Variants in CLPX observed in about 807,000 individuals in gnomAD.
CLPX encodes the protein ATP-dependent clpX-like chaperone, mitochondrial.
Under a neutral mutation model 76.4 loss-of-function variants are expected in CLPX, and 34 were observed. The observed-to-expected ratio is 0.45, with a 90% confidence interval of 0.34 to 0.59. The LOEUF (loss-of-function observed/expected upper bound fraction) is 0.59, where lower values mean the gene tolerates loss of function less well. Among genes scored for constraint, CLPX ranks in the 20% least tolerant of loss-of-function variants. The probability of loss-of-function intolerance (pLI) is 0.01; values close to 1 mark genes in which losing one functional copy is unlikely to be tolerated. For synonymous variants in CLPX, 248 were observed against 270.9 expected (o/e 0.92, Z 0.83); for missense variants, 613 against 757.0 (o/e 0.81, Z 2.23).
chr15:65,182,761 T>C (rs2088191892), intron 1 of CLPX, among the ~76,000 whole-genome samples: 1 of 152,224 alleles, frequency 6.6e-6, no homozygotes, highest in Admixed American at 6.5e-5. Context: ...TAAAGTATAT[T>C]TCACCAGATT....
chr15:65,154,456 C>G (rs183320835), intron 11 of CLPX, among the ~76,000 whole-genome samples: 1 of 152,120 alleles, frequency 6.6e-6, no homozygotes, highest in Non-Finnish European at 1.5e-5. Context: ...AAAATATACA[C>G]AGTATGTCAC....
At chr15:65,178,136 T>C (rs377104439) in intron 3 of CLPX, among the ~76,000 whole-genome samples, 1 of 152,202 alleles carries the variant, frequency 6.6e-6, no homozygotes, top group East Asian at 1.9e-4. Flanking sequence ...TTAATAATTA[T>C]CAGATGCTTC....
Position 65,164,066 on chromosome 15 carries a change from T to C in CLPX, c.636A>G (p.Gln212=). 1 of 1,613,680 alleles carries C rather than the reference T, an allele frequency of 6.2e-7. No individual in the cohort carries two copies. The highest frequency in any genetic ancestry group is 8.5e-7 in the Non-Finnish European group (1 of 1,179,848). The change falls in exon 5 of 14, where the codon CAA becomes CAG. Residue 212 remains glutamine, a synonymous_variant. Transcript: ENST00000300107. ...ATGATGTCTGCTTCTCAACCTCTGCTTGCTGTCTCAGATTAGCTGGGATAT... is the reference window on the plus strand; with the variant it reads ...ATGATGTCTGCTTCTCAACCTCTGCCTGCTGTCTCAGATTAGCTGGGATAT... ...YNNIPANLRQ[Q]AEVEKQTSLT... is the part of the protein sequence containing the mutation.
chr15:65,157,756 T>C lies in CLPX; in HGVS notation c.1047A>G (p.Lys349=). The stretch of plus-strand genomic sequence containing the variant: ...ATGCTGAAAACATACCTTGTTGTGC[T>C]TTTTCCACATTATAATTGGCATCTT... The part of the protein sequence containing the change: ...LLQDANYNVE[K]AQQGIVFLDE... Residue 349 remains lysine, a synonymous_variant, in exon 8 of 14, where the codon AAA becomes AAG. Transcript: ENST00000300107. The C allele has an allele frequency of 6.2e-7, 1 of 1,612,366 alleles. No individual in the cohort carries two copies. Among genetic ancestry groups the C allele is most frequent in the Non-Finnish European group, 8.5e-7 (1 of 1,179,226 alleles).
At chr15:65,178,439 A>G (rs925487826) in intron 3 of CLPX, among the ~76,000 whole-genome samples, 6 of 152,364 alleles carry the variant, frequency 3.9e-5, no homozygotes, top group Middle Eastern at 3.4e-3. Flanking sequence ...TTTCTAGTAT[A>G]TAGTGAACAT....
Position 65,178,860 on chromosome 15 carries a change from T to A in CLPX, c.358+74A>T, listed in dbSNP as rs2088124548. 6 of 824,350 alleles carry A rather than the reference T, an allele frequency of 7.3e-6. No individual in the cohort carries two copies. In the East Asian group the frequency reaches 1.6e-4, roughly 21 times the overall value. The allele number at this position is 824,350 out of a possible 1,614,324, so 51.1% of individuals were successfully genotyped here. On this transcript the variant is annotated intron_variant, in intron 3 of 13. Transcript: ENST00000300107. Reference sequence around the variant, plus strand: ...CCTATATTTATACATTTTACATAATTTACATATTTTTATACACTTAGTAAT... The same window carrying A: ...CCTATATTTATACATTTTACATAATATACATATTTTTATACACTTAGTAAT...
intron 3 of CLPX, among the ~76,000 whole-genome samples, chr15:65,167,502 C>A (rs2087932090): frequency 6.6e-6 from 1 of 151,946 alleles, no homozygotes; most frequent in African/African-American, 2.4e-5. Context: ...AAATGTCAAA[C>A]ATATACAAAA....
chr15:65,158,186 C>T (rs764705500), intron 7 of CLPX: 7 of 325,188 alleles, frequency 2.2e-5, no homozygotes, highest in Non-Finnish European at 3.9e-5. Context: ...CCACGCCCAA[C>T]TAATACTTTA....
At chr15:65,176,713 G>A (rs997398996) in intron 3 of CLPX, among the ~76,000 whole-genome samples, 5 of 149,674 alleles carry the variant, frequency 3.3e-5, no homozygotes, top group African/African-American at 4.9e-5. Flanking sequence ...CTCCTGCCTC[G>A]GCTTCCTGAG....
At position 65,149,616 on chromosome 15, in the gene CLPX, C is replaced by T. The variant is rs1480167507; in HGVS notation, c.*1207G>A. 6.8e-6 allele frequency: 3 copies of T among 443,980 alleles called. No homozygotes were observed. The highest frequency in any genetic ancestry group is 7.2e-5 in the East Asian group (1 of 13,850). 27.5% of individuals were successfully genotyped at this position (443,980 alleles called of 1,614,324 possible). ...GTGGCTTACGCCTGCAATCCCAGCACTTTGGGAGGCTGAGGCCAGCAGATC... is the reference window on the plus strand; with the variant it reads ...GTGGCTTACGCCTGCAATCCCAGCATTTTGGGAGGCTGAGGCCAGCAGATC... On this transcript the variant is annotated 3_prime_UTR_variant, in exon 14 of 14. Transcript: ENST00000300107.
At chr15:65,183,816 C>T (rs547981734) in intron 1 of CLPX, among the ~76,000 whole-genome samples, 1 of 152,292 alleles carries the variant, frequency 6.6e-6, no homozygotes, top group South Asian at 2.1e-4. Flanking sequence ...GACTTATTCA[C>T]CACTCTACCT....
Position 65,150,777 on chromosome 15 carries a change from A to G in CLPX, c.*46T>C, listed in dbSNP as rs961728075. ...GACTGTAGAGACAATTATGATCCTAAACAAAAGAAGGAAAAGCTGTATATA... is the reference window on the plus strand; with the variant it reads ...GACTGTAGAGACAATTATGATCCTAGACAAAAGAAGGAAAAGCTGTATATA... On this transcript the variant is annotated 3_prime_UTR_variant, in exon 14 of 14. Transcript: ENST00000300107. The G allele has an allele frequency of 1.5e-6, 2 of 1,353,056 alleles. No homozygotes were observed. The highest frequency in any genetic ancestry group is 2.1e-6 in the Non-Finnish European group (2 of 954,216). The allele number at this position is 1,353,056 out of a possible 1,614,324, so 83.8% of individuals were successfully genotyped here. A position where few individuals can be genotyped will look rare whatever the true frequency, so the allele number is the denominator to read the frequency against.
chr15:65,184,947 A>T, intron 1 of CLPX, 128 bp downstream of exon 1: 2 of 765,796 alleles, frequency 2.6e-6, no homozygotes, highest in South Asian at 3.2e-5. Flanking sequence ...TGCCGGGCGA[A>T]GCGCCGCGCA....
At chr15:65,183,726 G>C (rs1022843365) in intron 1 of CLPX, among the ~76,000 whole-genome samples, 5 of 152,102 alleles carry the variant, frequency 3.3e-5, no homozygotes, top group Admixed American at 6.5e-5. Context: ...TGACCAAAGG[G>C]AACACACACA....
intron 9 of CLPX, 120 bp downstream of exon 9, chr15:65,156,724 T>C (rs984542440): frequency 2.4e-5 from 14 of 582,160 alleles, no homozygotes; most frequent in Non-Finnish European, 3.9e-5. Flanking sequence ...ATATGTGGAG[T>C]TTGGGGGCGG....
At chr15:65,164,243 C>A in intron 4 of CLPX, 55 bp from the exon 5 acceptor site, 1 of 1,405,692 alleles carries the variant, frequency 7.1e-7, no homozygotes, top group Non-Finnish European at 9.8e-7. Flanking sequence ...AGAGCACACA[C>A]ATTAAAAAGT....
chr15:65,169,888 G>C (rs1252591996), intron 3 of CLPX, among the ~76,000 whole-genome samples: 1 of 151,752 alleles, frequency 6.6e-6, no homozygotes, highest in Non-Finnish European at 1.5e-5. Flanking sequence ...AGCCTCCGAA[G>C]TAGCTGGGAT....
chr15:65,181,029 T>C (rs1292747524), intron 1 of CLPX, among the ~76,000 whole-genome samples: 2 of 151,800 alleles, frequency 1.3e-5, no homozygotes, highest in Non-Finnish European at 2.9e-5. Context: ...TGAAACCCTG[T>C]CTCTACTAAA....
rs182883006 is a variant in CLPX, at chr15:65,183,238, G to A, written c.79+1837C>T. On this transcript the variant is annotated intron_variant, in intron 1 of 13. Coordinates refer to ENST00000300107, the MANE Select transcript of CLPX (RefSeq NM_006660.5). ...AGCACTTTGGGAGGCCGAGGCGGAC[G>A]GATCACAAGATCAGGAGATCGAGAC... Among the ~76,000 whole-genome samples the A allele has an allele frequency of 5.3e-4, 80 of 151,808 alleles. 1 individual carries two copies. In the East Asian group the frequency reaches 0.015, roughly 28 times the overall value.
Sources: allele counts gnomAD v4.1 joint callset (sites outside exome capture counted in the v4.1 genomes callset), GRCh38; gene constraint gnomAD v4.1.1; transcripts MANE v1.5; gene names NCBI Gene and HGNC (gene_info 2026-07-23, HGNC 2026-07-21).